Variants in IL22RA2 observed in about 807,000 individuals in gnomAD.
IL22RA2 encodes interleukin 22 receptor subunit alpha 2.
A neutral mutation model predicts 30.7 loss-of-function variants in IL22RA2; 39 were observed. The ratio of observed to expected loss-of-function variants is 1.27; its 90% CI spans 0.98 to 1.66. The LOEUF is 1.66. Ranked by LOEUF, IL22RA2 falls within the 40% of genes most tolerant of loss-of-function variation. IL22RA2 has a pLI of 0.00. For synonymous variants in IL22RA2, 103 were observed against 105.0 expected (o/e 0.98, Z 0.11); for missense variants, 315 against 312.7 (o/e 1.01, Z -0.05).
At position 137,147,836 on chromosome 6, in the gene IL22RA2, T is replaced by G; in HGVS notation, c.528A>C (p.Val176=). Residue 176 remains valine, a synonymous_variant, in exon 6 of 7, where the codon GTA becomes GTC. Transcript: ENST00000296980. ...ATGGTAAATTTGGAGCATGGAGAAT[T>G]ACCAACAAAGAGCCATTGACTTGGG... ...NITQVNGSLL[V]ILHAPNLPYR... The G allele has an allele frequency of 6.2e-7, 1 of 1,613,636 alleles. No homozygotes were observed. Among genetic ancestry groups the G allele is most frequent in the Non-Finnish European group, 8.5e-7 (1 of 1,179,696 alleles).
At chr6:137,159,669 C>T (rs1778481786) in intron 2 of IL22RA2, among the ~76,000 whole-genome samples, 1 of 152,160 alleles carries the variant, frequency 6.6e-6, no homozygotes, top group South Asian at 2.1e-4. Context: ...TTCTGTCACC[C>T]CGACCCCTGT....
Position 137,155,133 on chromosome 6 carries a change from A to C in IL22RA2, c.294-14T>G. On this transcript the variant is annotated splice_polypyrimidine_tract_variant and intron_variant, in intron 4 of 6. Transcript: ENST00000296980. ...CTCTGTCCATATCTGTAGCAGGGAAAAGGCAAAGATCTGAGTTTCTTTTCT... is the reference window on the plus strand; with the variant it reads ...CTCTGTCCATATCTGTAGCAGGGAACAGGCAAAGATCTGAGTTTCTTTTCT... 6.6e-7 allele frequency: 1 copy of C among 1,512,740 alleles called. No homozygotes were observed. The highest frequency in any genetic ancestry group is 8.8e-7 in the Non-Finnish European group (1 of 1,130,506). 93.7% of individuals were successfully genotyped at this position (1,512,740 alleles called of 1,614,324 possible). A position where few individuals can be genotyped will look rare whatever the true frequency, so the allele number is the denominator to read the frequency against.
intron 1 of IL22RA2, among the ~76,000 whole-genome samples, chr6:137,167,867 G>T (rs1398428799): frequency 6.6e-6 from 1 of 152,196 alleles, no homozygotes; most frequent in Non-Finnish European, 1.5e-5. Context: ...ATCGAGCCCT[G>T]TTCTAGTCAC....
At chr6:137,153,737 G>A (rs1034680953) in intron 5 of IL22RA2, among the ~76,000 whole-genome samples, 1 of 152,142 alleles carries the variant, frequency 6.6e-6, no homozygotes, top group Non-Finnish European at 1.5e-5. Context: ...TCAGGTGGAA[G>A]AATTCTTGGT....
rs1449030393 is a variant in IL22RA2, at chr6:137,145,548, G to C, written c.*76C>G. ...AAAATACAAAAACAATTTTAAATAA[G>C]ATCCTTCAAACACGAGTCATCCTGT... On this transcript the variant is annotated 3_prime_UTR_variant, in exon 7 of 7. Transcript: ENST00000296980. The C allele has an allele frequency of 3.7e-6, 5 of 1,340,404 alleles. No homozygotes were observed. The highest frequency in any genetic ancestry group is 4.1e-6 in the Non-Finnish European group (4 of 981,024). The allele number at this position is 1,340,404 out of a possible 1,614,324, so 83.0% of individuals were successfully genotyped here. A position where few individuals can be genotyped will look rare whatever the true frequency, so the allele number is the denominator to read the frequency against.
At chr6:137,169,142 C>T (rs1239771298) in intron 1 of IL22RA2, among the ~76,000 whole-genome samples, 1 of 152,202 alleles carries the variant, frequency 6.6e-6, no homozygotes, top group African/African-American at 2.4e-5. Context: ...GGAACCCCAT[C>T]ATTGGAAAAT....
chr6:137,162,429 C>T (rs927410474), intron 1 of IL22RA2, among the ~76,000 whole-genome samples: 2 of 152,198 alleles, frequency 1.3e-5, no homozygotes, highest in African/African-American at 4.8e-5. Flanking sequence ...ATGCCTCTTC[C>T]TCTTCCATTT....
chr6:137,160,066 T>C (rs28385768), intron 2 of IL22RA2, among the ~76,000 whole-genome samples: 1,711 of 152,354 alleles, frequency 0.011, 30 homozygotes, highest in African/African-American at 0.039. Context: ...ACAGCCACAG[T>C]TGATTTTGCT....
intron 5 of IL22RA2, among the ~76,000 whole-genome samples, chr6:137,151,182 A>T (rs1778282672): frequency 6.6e-6 from 1 of 152,236 alleles, no homozygotes; most frequent in African/African-American, 2.4e-5. Flanking sequence ...CTACAAAGCA[A>T]CAATAATCAA....
At chr6:137,163,803 T>C (rs961385425) in intron 1 of IL22RA2, among the ~76,000 whole-genome samples, 1 of 151,844 alleles carries the variant, frequency 6.6e-6, no homozygotes, top group Non-Finnish European at 1.5e-5. Flanking sequence ...ATTTTGGGGA[T>C]GGGGGAGGTG....
At chr6:137,163,421 G>A (rs1778564004) in intron 1 of IL22RA2, among the ~76,000 whole-genome samples, 1 of 152,192 alleles carries the variant, frequency 6.6e-6, no homozygotes, top group South Asian at 2.1e-4. Flanking sequence ...TCCTTTGCCT[G>A]TGGGTTAGAG....
At chr6:137,156,685 A>G in intron 4 of IL22RA2, 74 bp downstream of exon 4, 2 of 1,562,066 alleles carry the variant, frequency 1.3e-6, no homozygotes, top group East Asian at 2.3e-5. Context: ...TGAAATTTAT[A>G]CAATCTTGGT....
rs75296796 is a variant in IL22RA2 at position 137,163,206 on chromosome 6, G to A, written c.-65-1392C>T. Among the ~76,000 whole-genome samples, 495 of 152,248 alleles carry A rather than the reference G, an allele frequency of 3.3e-3. 1 individual carries two copies. The highest frequency in any genetic ancestry group is 4.2e-3 in the African/African-American group (175 of 41,546). On this transcript the variant is annotated intron_variant, in intron 1 of 6. Transcript: ENST00000296980. ...CCTTTGTTTCTTGCTTCTGTATCTC[G>A]CTTCCTGCCTCATGTAGTTCCCACC...
At chr6:137,161,944 C>G in intron 1 of IL22RA2, 130 bp from the exon 2 acceptor site, 1 of 499,116 alleles carries the variant, frequency 2.0e-6, no homozygotes, top group Non-Finnish European at 3.6e-6. Context: ...ATAAAAATCA[C>G]TTCAAAAAAC....
chr6:137,157,180 G>A (rs1778423525), intron 3 of IL22RA2, among the ~76,000 whole-genome samples: 1 of 152,242 alleles, frequency 6.6e-6, no homozygotes, highest in African/African-American at 2.4e-5. Context: ...TAAAATCCTT[G>A]CATTGGGGTC....
At position 137,155,057 on chromosome 6, in the gene IL22RA2, T is replaced by C. The variant is rs969215908; in HGVS notation, c.356A>G (p.Asp119Gly). Residue 119 changes from aspartate to glycine, a missense_variant, in exon 5 of 7, where the codon GAC (aspartate) becomes GGC (glycine). Coordinates refer to ENST00000296980, the MANE Select transcript of IL22RA2 (RefSeq NM_052962.3). ...DCWGTQELSC[D>G]LTSETSDIQE... ...TATGTCTGAGGTTTCACTGGTAAGG[T>C]CACAAGAGAGTTCTTGAGTACCCCA... 1.3e-5 allele frequency: 21 copies of C among 1,613,534 alleles called. No homozygotes were observed. The highest frequency in any genetic ancestry group is 1.8e-5 in the Non-Finnish European group (21 of 1,179,742).
chr6:137,171,995 C>T (rs1778744890), intron 1 of IL22RA2, among the ~76,000 whole-genome samples: 1 of 152,182 alleles, frequency 6.6e-6, no homozygotes, highest in Non-Finnish European at 1.5e-5. Flanking sequence ...CCCTTTTCAC[C>T]TCTTCATGCT....
intron 5 of IL22RA2, among the ~76,000 whole-genome samples, chr6:137,154,273 G>A (rs916617366): frequency 2.0e-5 from 3 of 152,006 alleles, no homozygotes; most frequent in African/African-American, 4.8e-5. Context: ...CTTAACCCTC[G>A]TGTTTGGGGA....
chr6:137,146,260 G>A lies in IL22RA2; in HGVS notation c.643-487C>T, dbSNP rs150984954. ...TTGACCAGGCAGGTCTTGAACTCCT[G>A]ACCTCAAATGATTTGCCTGCCTCAG... is the stretch of plus-strand genomic sequence containing the variant. On this transcript the variant is annotated intron_variant, in intron 6 of 6. Transcript: ENST00000296980. 1.2e-3 allele frequency among the ~76,000 whole-genome samples: 184 copies of A among 152,264 alleles called. 1 individual carries two copies. The highest frequency in any genetic ancestry group is 4.3e-3 in the African/African-American group (178 of 41,558).
Sources: allele counts gnomAD v4.1 joint callset (sites outside exome capture counted in the v4.1 genomes callset), GRCh38; gene constraint gnomAD v4.1.1; transcripts MANE v1.5; gene names NCBI Gene and HGNC (gene_info 2026-07-23, HGNC 2026-07-21).